Variants in ITPKB observed in about 807,000 individuals in gnomAD.
ITPKB encodes the protein inositol-trisphosphate 3-kinase B, also known as IP3 3-kinase B.
ITPKB carries 13 observed loss-of-function variants against 69.4 expected under a neutral mutation model. The observed-to-expected ratio is 0.19, with a 90% CI of 0.12 to 0.30. The LOEUF is 0.30. Ranked by LOEUF, ITPKB falls within the 10% of genes least tolerant of loss-of-function variation. The pLI, the probability that ITPKB is intolerant of heterozygous loss-of-function variation, is 1.00. For missense variants in ITPKB, 1,240 were observed against 1,250.5 expected, an observed-to-expected ratio of 0.99 and a Z score of 0.13; for synonymous variants, 584 against 513.7, an observed-to-expected ratio of 1.14 and a Z score of -1.85.
chr1:226,694,590 A>G (rs1656433523), intron 2 of ITPKB, among the ~76,000 whole-genome samples: 1 of 152,222 alleles, frequency 6.6e-6, no homozygotes, highest in South Asian at 2.1e-4. Flanking sequence ...AGGTATTATT[A>G]TATTCATTTC....
At chr1:226,724,280 C>G (rs1409776962) in intron 2 of ITPKB, among the ~76,000 whole-genome samples, 2 of 152,128 alleles carry the variant, frequency 1.3e-5, no homozygotes, top group African/African-American at 4.8e-5. Context: ...GCAGAGCAAG[C>G]CTCCCCCAGC....
intron 5 of ITPKB, among the ~76,000 whole-genome samples, chr1:226,640,351 C>G (rs939991464): frequency 6.6e-6 from 1 of 152,212 alleles, no homozygotes; most frequent in Non-Finnish European, 1.5e-5. Context: ...GGAGTCCCAA[C>G]AGTGGGCCGT....
chr1:226,638,693 C>T (rs1668889218), intron 6 of ITPKB, among the ~76,000 whole-genome samples: 1 of 152,132 alleles, frequency 6.6e-6, no homozygotes, highest in African/African-American at 2.4e-5. Flanking sequence ...TTGTACAACC[C>T]ACACTCCTGG....
At chr1:226,652,899 G>C (rs1298607917) in intron 2 of ITPKB, among the ~76,000 whole-genome samples, 2 of 152,170 alleles carry the variant, frequency 1.3e-5, no homozygotes, top group Non-Finnish European at 2.9e-5. Context: ...ATGTGGGGTC[G>C]GCCTAGCCAG....
At chr1:226,691,314 A>G (rs1571860497) in intron 2 of ITPKB, among the ~76,000 whole-genome samples, 1 of 152,046 alleles carries the variant, frequency 6.6e-6, no homozygotes, top group East Asian at 1.9e-4. Context: ...CTCTGGGCAC[A>G]TGCATATGAC....
chr1:226,717,346 C>T (rs1657120155), intron 2 of ITPKB, among the ~76,000 whole-genome samples: 1 of 152,188 alleles, frequency 6.6e-6, no homozygotes, highest in African/African-American at 2.4e-5. Context: ...TTCTAAATTA[C>T]ATACCCCATG....
intron 4 of ITPKB, among the ~76,000 whole-genome samples, chr1:226,645,605 G>T (rs578261335): frequency 6.6e-6 from 1 of 152,200 alleles, no homozygotes; most frequent in East Asian, 1.9e-4. Flanking sequence ...TATTCTCCAT[G>T]TGGTCACCTG....
In ITPKB at chr1:226,637,951, A is replaced by G. The variant is rs1310525229; in HGVS notation, c.2554-201T>C. ...CAGTACCTTTGACTTTTGAAAGGAC[A>G]GGGTAAGAGAGAGAACCACAAATAT... On this transcript the variant is annotated intron_variant, in intron 6 of 7. Transcript: ENST00000429204. The surrounding 1 kb of genome is among the most constrained non-coding windows in gnomAD (Gnocchi z 4.3). Among the ~76,000 whole-genome samples, 1 of 152,232 alleles carries G rather than the reference A, an allele frequency of 6.6e-6. No individual in the cohort carries two copies. The highest frequency in any genetic ancestry group is 1.9e-4 in the East Asian group (1 of 5,202).
At chr1:226,721,181 TA>T (rs1267858750) in intron 2 of ITPKB, among the ~76,000 whole-genome samples, 22 of 141,800 alleles carry the variant, frequency 1.6e-4, no homozygotes, top group South Asian at 4.5e-4. Flanking sequence ...CCGTCTCTAC[TA>T]AAAAAAAAAT....
intron 3 of ITPKB, among the ~76,000 whole-genome samples, chr1:226,648,375 C>T (rs888718906): frequency 8.6e-5 from 13 of 151,984 alleles, no homozygotes; most frequent in South Asian, 4.1e-4. Flanking sequence ...TTGAATACAA[C>T]GGGAAGAGAG....
intron 2 of ITPKB, chr1:226,707,188 T>C (rs1034837515): frequency 1.7e-5 from 10 of 578,968 alleles, no homozygotes; most frequent in African/African-American, 2.0e-5. Flanking sequence ...AATCTTTTTT[T>C]ATTTTTTATT....
intron 2 of ITPKB, among the ~76,000 whole-genome samples, chr1:226,665,735 C>T (rs1339599014): frequency 1.3e-5 from 2 of 152,154 alleles, no homozygotes; most frequent in Admixed American, 6.5e-5. Flanking sequence ...TCACTGTGGT[C>T]GTGGCTGAGC....
In ITPKB at chr1:226,737,218, T is replaced by C. The variant is rs1046688186; in HGVS notation, c.241A>G (p.Arg81Gly). ...CCACTGCCGCTGCTACTATTCAGCC[T>C]GCGCCGGCCGCTCCGCCAGCCCCCG... Reference protein sequence around the residue: ...SPGGWRSGRRRLNSSSGSGSG... With the variant: ...SPGGWRSGRRGLNSSSGSGSG... Residue 81 changes from arginine to glycine, a missense_variant, in exon 2 of 8, where the codon AGG becomes GGG. Arg to Gly is a moderately radical substitution (Grantham distance 125, BLOSUM62 -2). This residue lies in a region of ITPKB where 992 missense variants were observed against 853.8 expected (regional missense o/e 1.16). Transcript: ENST00000429204. 4.5e-6 allele frequency: 7 copies of C among 1,569,410 alleles called. No individual in the cohort carries two copies. The Admixed American group carries it at 1.3e-4, about 29-fold the overall frequency.
intron 2 of ITPKB, among the ~76,000 whole-genome samples, chr1:226,710,543 T>G (rs1656921307): frequency 6.6e-6 from 1 of 152,252 alleles, no homozygotes; most frequent in Admixed American, 6.5e-5. Flanking sequence ...CCCTTGACTC[T>G]GGCCACTCTT....
intron 2 of ITPKB, among the ~76,000 whole-genome samples, chr1:226,713,809 C>G (rs2102639094): frequency 6.6e-6 from 1 of 152,252 alleles, no homozygotes. Context: ...AATCAGTGTC[C>G]TGAACAACTA....
intron 7 of ITPKB, among the ~76,000 whole-genome samples, chr1:226,635,979 A>G (rs184007323): frequency 6.6e-6 from 1 of 152,380 alleles, no homozygotes; most frequent in Non-Finnish European, 1.5e-5. Context: ...GGCGAGGCTG[A>G]GCCCAAAAAA....
chr1:226,736,254 C>T lies in ITPKB; in HGVS notation c.1205G>A (p.Ser402Asn). The T allele has an allele frequency of 6.4e-7, 1 of 1,565,964 alleles. No individual in the cohort carries two copies. The highest frequency in any genetic ancestry group is 8.6e-7 in the Non-Finnish European group (1 of 1,158,664). The change falls in exon 2 of 8, where the codon AGC becomes AAC. Residue 402 changes from serine (S) to asparagine (N), a missense_variant. Around this residue, in one of 2 missense-constraint regions of ITPKB, gnomAD observed 992 missense variants for 853.8 expected, o/e 1.16. Coordinates refer to ENST00000429204, the MANE Select transcript of ITPKB (RefSeq NM_002221.4). ...GCTCAGGGAATCAGAGGACTCTGCG[C>T]TTTGCACGCTCACAGTCGTCTCCTC... The part of the protein sequence containing the change: ...RPEETTVSVQ[S>N]AESSDSLSWS...
At chr1:226,727,630 G>C (rs1043346441) in intron 2 of ITPKB, among the ~76,000 whole-genome samples, 1 of 152,088 alleles carries the variant, frequency 6.6e-6, no homozygotes, top group Non-Finnish European at 1.5e-5. Context: ...GGGCAGGGAG[G>C]GGGACAGAAT....
At position 226,634,921 on chromosome 1, in the gene ITPKB, G is replaced by A. The variant is rs1478554573; in HGVS notation, c.2626-35C>T. 2 of 1,559,140 alleles carry A rather than the reference G, an allele frequency of 1.3e-6. No homozygotes were observed. The highest frequency in any genetic ancestry group is 1.8e-6 in the Non-Finnish European group (2 of 1,139,194). On this transcript the variant is annotated intron_variant, in intron 7 of 7. Transcript: ENST00000429204. This position sits in a 1 kb window ranked among gnomAD's most constrained non-coding sequence, Gnocchi z 6.3. Reference sequence around the variant, plus strand: ...ACATGGGGGTGAAGGGTGAGCTGAAGCCCGGGCCTCGCCCTCCCCACTGCG... The same window carrying A: ...ACATGGGGGTGAAGGGTGAGCTGAAACCCGGGCCTCGCCCTCCCCACTGCG...
Sources: allele counts gnomAD v4.1 joint callset (sites outside exome capture counted in the v4.1 genomes callset), GRCh38; gene constraint gnomAD v4.1.1; regional missense constraint gnomAD v4.1.1; non-coding constraint Gnocchi (gnomAD v3.1); transcripts MANE v1.5; gene names NCBI Gene and HGNC (gene_info 2026-07-23, HGNC 2026-07-21).